The following ANKRD30A variants were observed in gnomAD, a reference collection of about 807,000 sequenced individuals.
ANKRD30A encodes the protein ankyrin repeat domain 30A.
ANKRD30A carries 170 observed loss-of-function variants against 166.3 expected under a neutral mutation model. The ratio of observed to expected loss-of-function variants is 1.02; its 90% CI spans 0.90 to 1.16. The LOEUF (loss-of-function observed/expected upper bound fraction) is 1.16, where lower values mean the gene tolerates loss of function less well. Ranked by LOEUF, ANKRD30A falls within the 50% of genes most tolerant of loss-of-function variation. The pLI, the probability that ANKRD30A is intolerant of heterozygous loss-of-function variation, is 0.00. For synonymous variants in ANKRD30A, 564 were observed against 508.9 expected (o/e 1.11, Z -1.46); for missense variants, 1,630 against 1,518.0 (o/e 1.07, Z -1.23).
intron 6 of ANKRD30A, among the ~76,000 whole-genome samples, chr10:37,140,809 G>A (rs1351709175): frequency 4.6e-5 from 7 of 151,994 alleles, no homozygotes; most frequent in African/African-American, 9.7e-5. Context: ...AATTATATGG[G>A]CATATCTTTA....
At chr10:37,153,116 C>T (rs1314291926) in intron 12 of ANKRD30A, among the ~76,000 whole-genome samples, 3 of 152,128 alleles carry the variant, frequency 2.0e-5, no homozygotes, top group East Asian at 3.9e-4. Context: ...AAGTTCTCTT[C>T]ATGACATGCA....
At position 37,158,395 on chromosome 10, in the gene ANKRD30A, C is replaced by T. The variant is rs768328492; in HGVS notation, c.1802C>T (p.Ser601Phe). 1 of 1,609,244 alleles carries T rather than the reference C, an allele frequency of 6.2e-7. No homozygotes were observed. The highest frequency in any genetic ancestry group is 8.5e-7 in the Non-Finnish European group (1 of 1,176,538). ...IDKINGKLEE[S>F]PNKDGLLKAT... ...ATGTATGTCCCTTTTCTTATAGAGTCTCCTAATAAAGATGGTCTTCTGAAG... is the reference window on the plus strand; with the variant it reads ...ATGTATGTCCCTTTTCTTATAGAGTTTCCTAATAAAGATGGTCTTCTGAAG... Residue 601 changes from serine to phenylalanine, a missense_variant, in exon 14 of 36, where the codon TCT (serine) becomes TTT (phenylalanine). Ser to Phe is a radical substitution (Grantham distance 155). Coordinates refer to ENST00000361713, the MANE Select transcript of ANKRD30A (RefSeq NM_052997.3).
chr10:37,236,579 G>A (rs1843684658), downstream of ANKRD30A, among the ~76,000 whole-genome samples: 1 of 152,128 alleles, frequency 6.6e-6, no homozygotes, highest in Non-Finnish European at 1.5e-5. Flanking sequence ...AGAAGAAAGT[G>A]GAGAGAGCAT....
intron 3 of ANKRD30A, 48 bp downstream of exon 3, chr10:37,130,426 T>C: frequency 1.5e-6 from 2 of 1,375,234 alleles, no homozygotes; most frequent in East Asian, 5.5e-5. Context: ...ATCCATTTGT[T>C]TTAACATTAA....
intron 8 of ANKRD30A, among the ~76,000 whole-genome samples, chr10:37,146,577 G>T (rs183537420): frequency 6.6e-6 from 1 of 152,162 alleles, no homozygotes; most frequent in Non-Finnish European, 1.5e-5. Context: ...AGCTGAGGGC[G>T]TCTGAGTGGC....
At chr10:37,199,599 A>G in intron 29 of ANKRD30A, 128 bp from the exon 30 acceptor site, 1 of 511,294 alleles carries the variant, frequency 2.0e-6, no homozygotes, top group Non-Finnish European at 3.5e-6. Context: ...ATTGTAATCA[A>G]CAAAAAGAAT....
chr10:37,252,053 G>A, the ANKRD30A span, among the ~76,000 whole-genome samples: 2 of 152,138 alleles, frequency 1.3e-5, no homozygotes, highest in Admixed American at 1.3e-4. Flanking sequence ...CCCATCATGT[G>A]TCCTGTCAAG....
the ANKRD30A span, among the ~76,000 whole-genome samples, chr10:37,255,427 G>T: frequency 3.3e-5 from 5 of 152,066 alleles, no homozygotes; most frequent in Admixed American, 3.3e-4. Flanking sequence ...TAAAAAAATG[G>T]TTTTATGGTT....
intron 31 of ANKRD30A, among the ~76,000 whole-genome samples, chr10:37,215,204 GC>G (rs965071351): frequency 1.5e-4 from 23 of 151,294 alleles, no homozygotes; most frequent in African/African-American, 5.6e-4. Flanking sequence ...CACCTGAGGG[GC>G]AAGGCCTTTC....
intron 34 of ANKRD30A, among the ~76,000 whole-genome samples, chr10:37,224,450 T>G (rs1043289138): frequency 6.6e-6 from 1 of 150,710 alleles, no homozygotes; most frequent in African/African-American, 2.4e-5. Context: ...AAACTTCTGT[T>G]GTTTTTGATA....
At chr10:37,237,832 C>T in the ANKRD30A span, among the ~76,000 whole-genome samples, 3 of 152,126 alleles carry the variant, frequency 2.0e-5, no homozygotes, top group Non-Finnish European at 4.4e-5. Context: ...AATTTTATCT[C>T]CTTTTGCCTT....
chr10:37,225,847 G>A (rs1337969818), intron 34 of ANKRD30A, among the ~76,000 whole-genome samples: 2 of 151,380 alleles, frequency 1.3e-5, no homozygotes, highest in Non-Finnish European at 2.9e-5. Flanking sequence ...TTCACTCTTT[G>A]CAGTAGCTTT....
chr10:37,138,886 G>A (rs1836906150), intron 6 of ANKRD30A, among the ~76,000 whole-genome samples: 1 of 152,140 alleles, frequency 6.6e-6, no homozygotes, highest in Non-Finnish European at 1.5e-5. Context: ...ACGCTGCAAA[G>A]ATACTCCTTG....
intron 27 of ANKRD30A, among the ~76,000 whole-genome samples, chr10:37,194,577 C>T (rs913910211): frequency 3.3e-5 from 5 of 152,002 alleles, no homozygotes; most frequent in Admixed American, 3.3e-4. Flanking sequence ...GATCTCCTGA[C>T]CTTGTGATGC....
At chr10:37,204,069 T>C (rs1463525005) in intron 31 of ANKRD30A, among the ~76,000 whole-genome samples, 1 of 152,172 alleles carries the variant, frequency 6.6e-6, no homozygotes, top group Non-Finnish European at 1.5e-5. Context: ...CTGCCCAAGG[T>C]AATTTATGGA....
At chr10:37,258,609 C>A in the ANKRD30A span, among the ~76,000 whole-genome samples, 2 of 143,580 alleles carry the variant, frequency 1.4e-5, no homozygotes, top group African/African-American at 2.6e-5. Context: ...AAACAAAGGT[C>A]AATCGTAGGT....
intron 11 of ANKRD30A, 46 bp from the exon 12 acceptor site, chr10:37,152,014 G>A (rs774295493): frequency 2.7e-5 from 40 of 1,498,808 alleles, no homozygotes; most frequent in Non-Finnish European, 2.5e-5. Flanking sequence ...AAAATTTATA[G>A]TAGAGAAATG....
chr10:37,128,246 TTTGA>T (rs1261717143), intron 1 of ANKRD30A, among the ~76,000 whole-genome samples: 1 of 152,090 alleles, frequency 6.6e-6, no homozygotes, highest in Non-Finnish European at 1.5e-5. Context: ...TTTTATTATC[TTTGA>T]TTTATGCATT....
intron 29 of ANKRD30A, 149 bp downstream of exon 29, chr10:37,197,629 C>G (rs1304668433): frequency 7.7e-7 from 1 of 1,295,532 alleles, no homozygotes; most frequent in Non-Finnish European, 1.1e-6. Context: ...GTTTGAAAAG[C>G]TGGTATTACA....
Sources: gnomAD v4.1 joint callset for allele counts (sites outside exome capture counted in the v4.1 genomes callset) on GRCh38, gnomAD v4.1.1 for gene constraint, MANE v1.5 for transcripts, NCBI Gene and HGNC (gene_info 2026-07-23, HGNC 2026-07-21) for gene names.